Variants in PXDNL observed in about 807,000 individuals in gnomAD.
PXDNL encodes the protein peroxidasin like, also known as probable oxidoreductase PXDNL.
PXDNL carries 145 observed loss-of-function variants against 150.8 expected under a neutral mutation model. The ratio of observed to expected loss-of-function variants is 0.96; its 90% CI spans 0.84 to 1.10. The LOEUF (loss-of-function observed/expected upper bound fraction) is 1.10, where lower values mean the gene tolerates loss of function less well. PXDNL is among the 50% of genes least tolerant of loss of function. The pLI is 0.00. For synonymous variants in PXDNL, 757 were observed against 725.7 expected, an observed-to-expected ratio of 1.04 and a Z score of -0.69; for missense variants, 2,087 against 1,873.9, an observed-to-expected ratio of 1.11 and a Z score of -2.10.
chr8:51,320,097 T>A (rs1268275277), intron 22 of PXDNL, 75 bp from the exon 23 acceptor site: 4 of 1,181,722 alleles, frequency 3.4e-6, no homozygotes, highest in Non-Finnish European at 4.4e-6. Context: ...AAATGTTTCT[T>A]ATAATACATA....
chr8:51,393,913 C>T (rs1479415319), intron 17 of PXDNL, among the ~76,000 whole-genome samples: 1 of 152,206 alleles, frequency 6.6e-6, no homozygotes, highest in East Asian at 1.9e-4. Context: ...AAGTACAAGA[C>T]ATTAAATCTG....
intron 3 of PXDNL, among the ~76,000 whole-genome samples, chr8:51,571,732 T>G (rs1244923201): frequency 1.3e-5 from 2 of 151,870 alleles, no homozygotes; most frequent in Non-Finnish European, 2.9e-5. Context: ...TTTGACTCAG[T>G]TATGGAATGC....
intron 1 of PXDNL, among the ~76,000 whole-genome samples, chr8:51,744,811 A>G (rs1417149388): frequency 1.3e-5 from 2 of 150,604 alleles, no homozygotes; most frequent in Non-Finnish European, 3.0e-5. Flanking sequence ...GAGAGAAAGA[A>G]AGAGAAAGAA....
intron 17 of PXDNL, among the ~76,000 whole-genome samples, chr8:51,391,662 C>A (rs192497532): frequency 7.9e-5 from 12 of 152,154 alleles, no homozygotes; most frequent in African/African-American, 2.7e-4. Flanking sequence ...GAGCAGGTTG[C>A]GAAAATTTTC....
chr8:51,631,043 A>G (rs1478392278), intron 2 of PXDNL, among the ~76,000 whole-genome samples: 2 of 152,194 alleles, frequency 1.3e-5, no homozygotes, highest in African/African-American at 2.4e-5. Context: ...AAGGCCATCA[A>G]CGGTAAACTG....
chr8:51,417,533 C>T (rs929201198), intron 14 of PXDNL, among the ~76,000 whole-genome samples: 1 of 152,128 alleles, frequency 6.6e-6, no homozygotes, highest in African/African-American at 2.4e-5. Flanking sequence ...CCTCTGTCAC[C>T]CTTGCTAAAA....
intron 2 of PXDNL, among the ~76,000 whole-genome samples, chr8:51,606,661 T>C (rs992061706): frequency 3.3e-5 from 5 of 152,162 alleles, no homozygotes; most frequent in African/African-American, 1.2e-4. Context: ...GTAGCCACAT[T>C]TTAAAAAAGT....
In PXDNL at chr8:51,350,041, A is replaced by T. The variant is rs1392935063; in HGVS notation, c.3902-4094T>A. 2.0e-5 allele frequency among the ~76,000 whole-genome samples: 3 copies of T among 152,104 alleles called. No homozygotes were observed. The East Asian group carries it at 5.8e-4, about 29-fold the overall frequency. ...AACATCTCTGTTGTCTGGGGTATAT[A>T]CCCTGGTTCTTTATCTCTTACCGAG... On this transcript the variant is annotated intron_variant, in intron 19 of 22. Coordinates refer to ENST00000356297, the MANE Select transcript of PXDNL (RefSeq NM_144651.5).
intron 1 of PXDNL, among the ~76,000 whole-genome samples, chr8:51,801,173 C>T (rs1224135209): frequency 6.6e-6 from 1 of 152,102 alleles, no homozygotes; most frequent in Non-Finnish European, 1.5e-5. Context: ...TAAACAGCCG[C>T]TCTGGGAGTG....
At chr8:51,717,308 A>G (rs1816633789) in intron 1 of PXDNL, among the ~76,000 whole-genome samples, 1 of 152,220 alleles carries the variant, frequency 6.6e-6, no homozygotes, top group African/African-American at 2.4e-5. Flanking sequence ...TAGGAATGTG[A>G]TCTCAGGGAG....
In PXDNL at chr8:51,611,041, C is replaced by T. The variant is rs143565519; in HGVS notation, c.237-18343G>A. On this transcript the variant is annotated intron_variant, in intron 2 of 22. Transcript: ENST00000356297. The stretch of plus-strand genomic sequence containing the variant: ...TGATGCCCATCATATGCAGAGGCCC[C>T]GTCCACATTCCAGGGCAGGGTCATT... 3.3e-4 allele frequency among the ~76,000 whole-genome samples: 50 copies of T among 152,260 alleles called. No individual in the cohort carries two copies. In the East Asian group the frequency reaches 7.9e-3, roughly 24 times the overall value.
At chr8:51,658,029 T>A (rs189016379) in intron 1 of PXDNL, among the ~76,000 whole-genome samples, 1 of 152,208 alleles carries the variant, frequency 6.6e-6, no homozygotes, top group East Asian at 1.9e-4. Context: ...GCTCAGGGAC[T>A]CACTCTCTTC....
chr8:51,558,952 C>CA (rs1180408850), intron 3 of PXDNL, among the ~76,000 whole-genome samples: 3 of 151,866 alleles, frequency 2.0e-5, no homozygotes, highest in African/African-American at 7.3e-5. Flanking sequence ...TTCTTCCCCC[C>CA]AATGAGTTCT....
intron 1 of PXDNL, among the ~76,000 whole-genome samples, chr8:51,765,936 C>T (rs1039681891): frequency 9.9e-5 from 15 of 151,868 alleles, no homozygotes; most frequent in Non-Finnish European, 1.3e-4. Context: ...CTCCGCCTCC[C>T]GGGTTCACAC....
intron 5 of PXDNL, among the ~76,000 whole-genome samples, chr8:51,497,621 G>T (rs552682907): frequency 0.32 from 48,587 of 151,844 alleles, 8,625 homozygotes; most frequent in African/African-American, 0.47. Flanking sequence ...GTGGGTGAAG[G>T]ACACGAACAG....
chr8:51,622,701 T>C (rs1814282445), intron 2 of PXDNL, among the ~76,000 whole-genome samples: 1 of 152,180 alleles, frequency 6.6e-6, no homozygotes, highest in Admixed American at 6.5e-5. Flanking sequence ...TACCAAGTGA[T>C]CAATACAAAT....
intron 2 of PXDNL, among the ~76,000 whole-genome samples, chr8:51,623,763 A>G (rs1814306473): frequency 6.6e-6 from 1 of 152,094 alleles, no homozygotes; most frequent in Non-Finnish European, 1.5e-5. Context: ...GATGCCATAA[A>G]GTTTGTTTAA....
chr8:51,689,398 G>A (rs778329415), intron 1 of PXDNL, among the ~76,000 whole-genome samples: 7 of 151,136 alleles, frequency 4.6e-5, no homozygotes, highest in African/African-American at 9.7e-5. Flanking sequence ...TTTATGACCT[G>A]CATTTCACAA....
intron 21 of PXDNL, among the ~76,000 whole-genome samples, chr8:51,328,128 C>G (rs1450086024): frequency 6.6e-6 from 1 of 152,222 alleles, no homozygotes; most frequent in Admixed American, 6.5e-5. Context: ...CCTCCCAGAG[C>G]AAGACTGACT....
Sources: gnomAD v4.1 joint callset for allele counts (sites outside exome capture counted in the v4.1 genomes callset) on GRCh38, gnomAD v4.1.1 for gene constraint, MANE v1.5 for transcripts, NCBI Gene and HGNC (gene_info 2026-07-23, HGNC 2026-07-21) for gene names.